Variants in CDH18 observed in about 807,000 individuals in gnomAD.
CDH18 encodes the protein cadherin 18, also known as cadherin-18.
Under a neutral mutation model 67.9 loss-of-function variants are expected in CDH18, and 31 were observed. The ratio of observed to expected loss-of-function variants is 0.46; its 90% confidence interval spans 0.34 to 0.62. The LOEUF is 0.62. Ranked by LOEUF, CDH18 falls within the 20% of genes least tolerant of loss-of-function variation. CDH18 has a pLI of 0.01. For synonymous variants in CDH18, 362 were observed against 347.2 expected (o/e 1.04, Z -0.48); for missense variants, 890 against 975.5 (o/e 0.91, Z 1.17).
At chr5:19,983,135 C>A (rs2150366359) in intron 1 of CDH18, among the ~76,000 whole-genome samples, 1 of 151,694 alleles carries the variant, frequency 6.6e-6, no homozygotes, top group Non-Finnish European at 1.5e-5. Context: ...TGAAATGGCA[C>A]CCTATCTCAT....
chr5:19,588,949 G>T (rs1277230384), intron 7 of CDH18, among the ~76,000 whole-genome samples: 1 of 151,964 alleles, frequency 6.6e-6, no homozygotes, highest in Non-Finnish European at 1.5e-5. Flanking sequence ...AATAATAGTG[G>T]GAGACTTTAA....
At chr5:20,414,993 C>CA (rs888480548) in intron 1 of CDH18, among the ~76,000 whole-genome samples, 38 of 151,754 alleles carry the variant, frequency 2.5e-4, no homozygotes, top group Middle Eastern at 3.4e-3. Flanking sequence ...GAGTATTTAC[C>CA]AAAAAAAATT....
intron 1 of CDH18, among the ~76,000 whole-genome samples, chr5:20,452,059 T>C (rs775327440): frequency 6.6e-6 from 1 of 152,134 alleles, no homozygotes; most frequent in Non-Finnish European, 1.5e-5. Context: ...ACACAGATAA[T>C]AAGCATAAAG....
chr5:19,659,816 C>T (rs1756916466), intron 5 of CDH18, among the ~76,000 whole-genome samples: 1 of 152,022 alleles, frequency 6.6e-6, no homozygotes, highest in Admixed American at 6.6e-5. Context: ...GATCTTGGAC[C>T]TCCTAGCCTC....
chr5:20,092,082 T>G (rs539588111), intron 2 of CDH18, among the ~76,000 whole-genome samples: 11 of 152,294 alleles, frequency 7.2e-5, no homozygotes, highest in Admixed American at 7.2e-4. Context: ...TAATTGCATT[T>G]TTTTTACTGT....
intron 6 of CDH18, among the ~76,000 whole-genome samples, chr5:19,594,116 T>G (rs1187729335): frequency 6.6e-6 from 1 of 152,120 alleles, no homozygotes; most frequent in East Asian, 1.9e-4. Context: ...CATTCTTCTG[T>G]ATATAGATAA....
chr5:19,481,466 A>G (rs1362391002), intron 12 of CDH18, among the ~76,000 whole-genome samples: 5 of 152,162 alleles, frequency 3.3e-5, no homozygotes, highest in African/African-American at 1.2e-4. Flanking sequence ...TCGAAGGGAG[A>G]CAAGGGCAGA....
intron 2 of CDH18, among the ~76,000 whole-genome samples, chr5:20,208,783 CA>C (rs1740117962): frequency 6.6e-6 from 1 of 151,880 alleles, no homozygotes; most frequent in South Asian, 2.1e-4. Flanking sequence ...TGTGAAGAGA[CA>C]ACTCAGAAAA....
intron 1 of CDH18, among the ~76,000 whole-genome samples, chr5:20,389,604 C>A (rs767208361): frequency 6.6e-6 from 1 of 152,078 alleles, no homozygotes; most frequent in East Asian, 1.9e-4. Context: ...ATCAAGCTAC[C>A]AATGACTTTC....
rs55756901 is a variant in CDH18, at chr5:19,891,762, C to T, written c.-256-52520G>A. Among the ~76,000 whole-genome samples the T allele has an allele frequency of 2.3e-3, 351 of 152,306 alleles. 1 individual carries two copies. Among genetic ancestry groups the T allele is most frequent in the African/African-American group, 7.9e-3 (330 of 41,562 alleles). On this transcript the variant is annotated intron_variant, in intron 2 of 12. Transcript: ENST00000382275. Reference sequence around the variant, plus strand: ...CAGCTTTGGAAATGATACAAACCTCCAGCCTGGGCAGATCCCATCTCCCTA... The same window carrying T: ...CAGCTTTGGAAATGATACAAACCTCTAGCCTGGGCAGATCCCATCTCCCTA...
chr5:19,684,299 G>T (rs1178469987), intron 5 of CDH18, among the ~76,000 whole-genome samples: 2 of 151,350 alleles, frequency 1.3e-5, no homozygotes, highest in Non-Finnish European at 2.9e-5. Flanking sequence ...AAAAATCATA[G>T]CATTTAATTT....
chr5:20,375,585 C>A (rs1295360372), intron 1 of CDH18, among the ~76,000 whole-genome samples: 1 of 152,166 alleles, frequency 6.6e-6, no homozygotes, highest in Non-Finnish European at 1.5e-5. Flanking sequence ...AATAGAGTCA[C>A]CTGGCCTCCA....
intron 5 of CDH18, among the ~76,000 whole-genome samples, chr5:19,700,983 A>C (rs1032808425): frequency 1.3e-5 from 2 of 152,118 alleles, no homozygotes; most frequent in Non-Finnish European, 2.9e-5. Context: ...AAAAATGAGC[A>C]AAAAAATAAG....
chr5:20,231,891 T>C (rs1434951004), intron 2 of CDH18, among the ~76,000 whole-genome samples: 7 of 152,186 alleles, frequency 4.6e-5, no homozygotes, highest in Middle Eastern at 6.8e-3. Context: ...AAAATTAAAA[T>C]TATAGTAATA....
At chr5:20,391,148 A>G (rs7379399) in intron 1 of CDH18, among the ~76,000 whole-genome samples, 2 of 152,262 alleles carry the variant, frequency 1.3e-5, no homozygotes, top group East Asian at 3.9e-4. Flanking sequence ...AAAATAAAAA[A>G]TTAAAAATAA....
chr5:20,441,608 G>A (rs1749609572), intron 1 of CDH18, among the ~76,000 whole-genome samples: 1 of 151,918 alleles, frequency 6.6e-6, no homozygotes, highest in Non-Finnish European at 1.5e-5. Flanking sequence ...GTTTAATAGA[G>A]TCAATATAAT....
intron 5 of CDH18, among the ~76,000 whole-genome samples, chr5:19,655,842 C>T (rs977128295): frequency 5.7e-4 from 87 of 152,244 alleles, no homozygotes; most frequent in African/African-American, 1.9e-3. Context: ...AGAAAGCACT[C>T]TCTAACAGGC....
intron 1 of CDH18, among the ~76,000 whole-genome samples, chr5:20,268,117 A>T (rs1203955796): frequency 6.6e-6 from 1 of 152,234 alleles, no homozygotes; most frequent in Non-Finnish European, 1.5e-5. Flanking sequence ...TATGGCTGCA[A>T]ATGACATGAT....
intron 5 of CDH18, among the ~76,000 whole-genome samples, chr5:19,681,753 A>G (rs1356829635): frequency 6.6e-6 from 1 of 151,966 alleles, no homozygotes; most frequent in African/African-American, 2.4e-5. Flanking sequence ...ACTGTGCTGC[A>G]TCATATAAAT....
Sources: allele counts gnomAD v4.1 joint callset (sites outside exome capture counted in the v4.1 genomes callset), GRCh38; gene constraint gnomAD v4.1.1; transcripts MANE v1.5; gene names NCBI Gene and HGNC (gene_info 2026-07-23, HGNC 2026-07-21).